The following NAIP variants were observed in gnomAD, a reference collection of about 807,000 sequenced individuals.
The protein encoded by NAIP is NLR family apoptosis inhibitory protein, also known as baculoviral IAP repeat-containing protein 1.
NAIP carries 15 observed loss-of-function variants against 23.0 expected under a neutral mutation model. That is an observed-to-expected ratio of 0.65 (90% confidence interval 0.44 to 1.00). NAIP has a LOEUF of 1.00. Ranked by LOEUF, NAIP falls within the 50% of genes least tolerant of loss-of-function variation. The probability of loss-of-function intolerance (pLI) is 0.00; values close to 1 mark genes in which losing one functional copy is unlikely to be tolerated. For missense variants in NAIP, 265 were observed against 278.8 expected (o/e 0.95, Z 0.35); for synonymous variants, 100 against 100.2 (o/e 1.00, Z 0.01).
intron 9 of NAIP, among the ~76,000 whole-genome samples, chr5:70,996,626 AAAAT>A (rs1278192724): frequency 7.4e-6 from 1 of 134,930 alleles, no homozygotes; most frequent in African/African-American, 2.6e-5. Flanking sequence ...CTCTACTAAA[AAAAT>A]AAATAAAAAA....
chr5:71,012,874 C>T lies in NAIP; in HGVS notation c.42G>A (p.Gln14=), dbSNP rs748420579. Reference sequence around the variant, plus strand: ...GCTCTGGCAGCAAATTGTGATCAAACTGGGAGATCCTCTCGTCAGAGGCTT... The same window carrying T: ...GCTCTGGCAGCAAATTGTGATCAAATTGGGAGATCCTCTCGTCAGAGGCTT... ...QQKASDERIS[Q]FDHNLLPELS... Residue 14 remains glutamine, a synonymous_variant, in exon 4 of 17, where the codon CAG becomes CAA. Transcript: ENST00000517649. 6.2e-7 allele frequency: 1 copy of T among 1,607,934 alleles called. No homozygotes were observed. The highest frequency in any genetic ancestry group is 8.5e-7 in the Non-Finnish European group (1 of 1,177,062).
intron 13 of NAIP, among the ~76,000 whole-genome samples, chr5:70,978,142 TA>T (rs1750372462): frequency 9.7e-5 from 3 of 30,818 alleles, no homozygotes; most frequent in African/African-American, 1.2e-4. Context: ...TATATATATA[TA>T]TATATATTTT....
chr5:71,012,562 C>G lies in NAIP; in HGVS notation c.354G>C (p.Lys118Asn). The change falls in exon 4 of 17, where the codon AAG (lysine) becomes AAC (asparagine). Residue 118 changes from lysine (K) to asparagine (N), a missense_variant. This residue lies in a region of NAIP where 261 missense variants were observed against 259.2 expected (regional missense o/e 1.01). Transcript: ENST00000517649. ...GLTRLPIEDHKRFHPDCGFLL... is the reference protein window; with the variant it reads ...GLTRLPIEDHNRFHPDCGFLL... ...GGAACCCACAATCTGGATGAAACCTCTTGTGGTCTTCTATGGGGAGTCTCG... is the reference window on the plus strand; with the variant it reads ...GGAACCCACAATCTGGATGAAACCTGTTGTGGTCTTCTATGGGGAGTCTCG... 1 of 1,611,810 alleles carries G rather than the reference C, an allele frequency of 6.2e-7. No homozygotes were observed. The highest frequency in any genetic ancestry group is 8.5e-7 in the Non-Finnish European group (1 of 1,178,446).
Position 71,009,664 on chromosome 5 carries a change from C to T in NAIP, c.668+1611G>A, listed in dbSNP as rs942870554. ...AAGATCGTACCACTGGGCAACAGGGCGAGACTCTGTCTCAAATAAAATAAA... is the reference window on the plus strand; with the variant it reads ...AAGATCGTACCACTGGGCAACAGGGTGAGACTCTGTCTCAAATAAAATAAA... On this transcript the variant is annotated intron_variant, in intron 5 of 16. Coordinates refer to ENST00000517649, the MANE Select transcript of NAIP (RefSeq NM_004536.3). Among the ~76,000 whole-genome samples, 9 of 151,218 alleles carry T rather than the reference C, an allele frequency of 6.0e-5. 1 individual carries two copies. The highest frequency in any genetic ancestry group is 6.6e-5 in the Admixed American group (1 of 15,154).
intron 3 of NAIP, among the ~76,000 whole-genome samples, chr5:71,014,357 C>G (rs888623714): frequency 1.3e-5 from 2 of 151,344 alleles, no homozygotes; most frequent in Admixed American, 1.3e-4. Flanking sequence ...CTTGGCTTCC[C>G]ACTCTTGTCC....
Position 70,979,584 on chromosome 5 carries a change from A to AAAAAAT in NAIP, c.3442+284_3442+285insATTTTT, listed in dbSNP as rs1331000647. Among the ~76,000 whole-genome samples, 5 of 42,820 alleles carry AAAAAAT rather than the reference A, an allele frequency of 1.2e-4. 2 individuals are homozygous for AAAAAAT. The highest frequency in any genetic ancestry group is 2.1e-3 in the South Asian group (2 of 948). The allele number at this position is 42,820 out of a possible 152,430, so 28.1% of individuals were successfully genotyped here. A position where few individuals can be genotyped will look rare whatever the true frequency, so the allele number is the denominator to read the frequency against. The stretch of plus-strand genomic sequence containing the variant: ...CGGGAGACTGTCTCAAAAAAAAAAA[A>AAAAAAT]AATAATAATAATAATAATAATAATA... On this transcript the variant is annotated intron_variant, in intron 13 of 16. Coordinates refer to ENST00000517649, the MANE Select transcript of NAIP (RefSeq NM_004536.3).
intron 5 of NAIP, among the ~76,000 whole-genome samples, chr5:71,008,072 T>C (rs1045809550): frequency 8.0e-6 from 1 of 124,662 alleles, no homozygotes; most frequent in African/African-American, 3.1e-5. Flanking sequence ...CCTTTTTTTT[T>C]TTTTTTTTTT....
intron 8 of NAIP, among the ~76,000 whole-genome samples, chr5:71,000,545 AATTATT>A (rs71204434): frequency 2.3e-4 from 26 of 113,242 alleles, no homozygotes; most frequent in African/African-American, 8.1e-4. Context: ...TAATAATAAT[AATTATT>A]ATTATTATTA....
intron 4 of NAIP, chr5:71,011,761 A>G: frequency 2.2e-6 from 1 of 447,126 alleles, no homozygotes; most frequent in Non-Finnish European, 4.4e-6. Flanking sequence ...ATGTTTCTTA[A>G]AGTCTCTGAG....
chr5:70,989,369 TAGAG>T (rs1474170084), intron 9 of NAIP, among the ~76,000 whole-genome samples: 2 of 141,776 alleles, frequency 1.4e-5, no homozygotes, highest in African/African-American at 3.1e-5. Flanking sequence ...CTGTGCAACA[TAGAG>T]AGACCTCCTC....
intron 5 of NAIP, among the ~76,000 whole-genome samples, chr5:71,008,281 G>A (rs1376371802): frequency 7.4e-6 from 1 of 135,944 alleles, no homozygotes; most frequent in East Asian, 2.2e-4. Flanking sequence ...TGTTAGCCAG[G>A]CTGGTCTTGA....
At chr5:71,010,940 C>T (rs891432134) in intron 5 of NAIP, among the ~76,000 whole-genome samples, 3 of 151,086 alleles carry the variant, frequency 2.0e-5, no homozygotes, top group African/African-American at 7.3e-5. Context: ...TTTTAAAGAA[C>T]TGAAAAATTT....
chr5:70,973,088 G>A (rs1750237834), intron 16 of NAIP, among the ~76,000 whole-genome samples: 1 of 151,880 alleles, frequency 6.6e-6, no homozygotes, highest in Non-Finnish European at 1.5e-5. Context: ...TTTTAGTAGA[G>A]ACGGGGTTTC....
intron 3 of NAIP, among the ~76,000 whole-genome samples, chr5:71,015,902 C>T (rs868000602): frequency 4.2e-3 from 545 of 129,754 alleles, no homozygotes; most frequent in African/African-American, 0.011. Context: ...CGCACCACTG[C>T]ACTCCAGCCT....
chr5:71,010,825 C>T (rs1751115518), intron 5 of NAIP, among the ~76,000 whole-genome samples: 1 of 151,332 alleles, frequency 6.6e-6, no homozygotes, highest in East Asian at 1.9e-4. Context: ...GTAATTAGGC[C>T]TTTCCTGCTT....
At chr5:70,979,572 CA>C (rs1185904838) in intron 13 of NAIP, among the ~76,000 whole-genome samples, 436 of 16,680 alleles carry the variant, frequency 0.026, 117 homozygotes, top group South Asian at 0.13. Context: ...GAGACTGTCT[CA>C]AAAAAAAAAA....
Position 71,011,257 on chromosome 5 carries a change from C to T in NAIP, c.668+18G>A. Reference sequence around the variant, plus strand: ...AAAAAAAAAGAAAGAAACATTTAAGCAAAAATTATCTACTTACTTGGGGAA... The same window carrying T: ...AAAAAAAAAGAAAGAAACATTTAAGTAAAAATTATCTACTTACTTGGGGAA... On this transcript the variant is annotated intron_variant, in intron 5 of 16. Coordinates refer to ENST00000517649, the MANE Select transcript of NAIP (RefSeq NM_004536.3). 1 of 1,552,570 alleles carries T rather than the reference C, an allele frequency of 6.4e-7. No individual in the cohort carries two copies. Among genetic ancestry groups the T allele is most frequent in the Non-Finnish European group, 8.7e-7 (1 of 1,143,030 alleles).
intron 3 of NAIP, among the ~76,000 whole-genome samples, chr5:71,014,136 C>CA (rs1339519608): frequency 6.7e-6 from 1 of 149,490 alleles, no homozygotes; most frequent in Non-Finnish European, 1.5e-5. Flanking sequence ...CTCACTCTGT[C>CA]ACCCAGGCTG....
intron 5 of NAIP, among the ~76,000 whole-genome samples, chr5:71,009,367 AAAAAAAAAAAAG>A (rs899584332): frequency 3.4e-5 from 5 of 148,432 alleles, no homozygotes; most frequent in African/African-American, 1.2e-4. Context: ...ACTCTCAAAA[AAAAAAAAAAAAG>A]AAAAGAAAGA....
Sources: allele counts gnomAD v4.1 joint callset (sites outside exome capture counted in the v4.1 genomes callset), GRCh38; gene constraint gnomAD v4.1.1; regional missense constraint gnomAD v4.1.1; transcripts MANE v1.5; gene names NCBI Gene and HGNC (gene_info 2026-07-23, HGNC 2026-07-21).